Variants in FREM2 observed in about 807,000 individuals in gnomAD.
FREM2 encodes FRAS1-related extracellular matrix protein 2.
In FREM2, 119 loss-of-function variants were observed where a neutral mutation model predicts 219.9. The ratio of observed to expected loss-of-function variants is 0.54; its 90% CI spans 0.47 to 0.63. The LOEUF is 0.63. FREM2 is among the 30% of genes least tolerant of loss of function. The pLI, the probability that FREM2 is intolerant of heterozygous loss-of-function variation, is 0.00. For synonymous variants in FREM2, 1,562 were observed against 1,522.8 expected (o/e 1.03, Z -0.60); for missense variants, 4,030 against 3,993.6 (o/e 1.01, Z -0.25).
chr13:38,872,481 G>A (rs1243085947), intron 16 of FREM2, among the ~76,000 whole-genome samples: 1 of 152,136 alleles, frequency 6.6e-6, no homozygotes, highest in Non-Finnish European at 1.5e-5. Context: ...GATTTTGTAA[G>A]TATAGTATGC....
intron 4 of FREM2, among the ~76,000 whole-genome samples, chr13:38,781,344 T>A (rs1490568531): frequency 6.6e-6 from 1 of 152,134 alleles, no homozygotes; most frequent in Admixed American, 6.6e-5. Context: ...CCAGAGACTT[T>A]TTTTTTCGAC....
chr13:38,776,425 G>A (rs1384961520), intron 4 of FREM2, among the ~76,000 whole-genome samples: 2 of 152,140 alleles, frequency 1.3e-5, no homozygotes, highest in African/African-American at 4.8e-5. Flanking sequence ...ATATAATTGA[G>A]AGAAGGTATA....
chr13:38,759,388 G>A (rs1566131589), intron 2 of FREM2, among the ~76,000 whole-genome samples: 1 of 149,422 alleles, frequency 6.7e-6, no homozygotes, highest in Non-Finnish European at 1.5e-5. Flanking sequence ...TGTCTTTAGA[G>A]AGATCGGGCA....
At chr13:38,715,390 G>A (rs192059418) in intron 2 of FREM2, among the ~76,000 whole-genome samples, 58 of 152,276 alleles carry the variant, frequency 3.8e-4, no homozygotes, top group African/African-American at 1.3e-3. Context: ...ACGAAAAGTG[G>A]ACTCTCTCCC....
intron 1 of FREM2, among the ~76,000 whole-genome samples, chr13:38,697,208 G>A (rs1289977029): frequency 1.3e-5 from 2 of 152,060 alleles, no homozygotes; most frequent in African/African-American, 4.8e-5. Flanking sequence ...TCAAACTTTG[G>A]AGAGCTTAAA....
chr13:38,698,733 T>G (rs1870222832), intron 2 of FREM2, among the ~76,000 whole-genome samples: 1 of 152,188 alleles, frequency 6.6e-6, no homozygotes, highest in Non-Finnish European at 1.5e-5. Context: ...GTCGTCTATC[T>G]CAAAAATACT....
rs771744013 is a variant in FREM2, at chr13:38,850,980, A to G, written c.6614A>G (p.Asp2205Gly). 18 of 1,613,262 alleles carry G rather than the reference A, an allele frequency of 1.1e-5. No homozygotes were observed. The highest frequency in any genetic ancestry group is 1.8e-4 in the Middle Eastern group (1 of 5,578). The change falls in exon 10 of 24, where the codon GAC (aspartate) becomes GGC (glycine). Residue 2205 changes from aspartate to glycine, a missense_variant. Around this residue, in one of 2 missense-constraint regions of FREM2, gnomAD observed 3,102 missense variants for 2,950.7 expected, o/e 1.05. Transcript: ENST00000280481. ...AAGCCCTGCATTCTTGAGCTGATGGACGATGTGCTCTATGAGGAGGTAGAG... is the reference window on the plus strand; with the variant it reads ...AAGCCCTGCATTCTTGAGCTGATGGGCGATGTGCTCTATGAGGAGGTAGAG... ...TEKPCILELM[D>G]DVLYEEVEEL...
intron 2 of FREM2, among the ~76,000 whole-genome samples, chr13:38,733,205 A>C (rs530175868): frequency 6.6e-6 from 1 of 152,126 alleles, no homozygotes; most frequent in African/African-American, 2.4e-5. Flanking sequence ...ATCAGTTTCT[A>C]AGAGGCACTG....
In FREM2 at chr13:38,689,605, T is replaced by C. The variant is rs749755745; in HGVS notation, c.2261T>C (p.Leu754Pro). 2 of 1,613,422 alleles carry C rather than the reference T, an allele frequency of 1.2e-6. No homozygotes were observed. Among genetic ancestry groups the C allele is most frequent in the South Asian group, 2.2e-5 (2 of 90,952 alleles). The change falls in exon 1 of 24, where the codon CTG (leucine) becomes CCG (proline). Residue 754 changes from leucine (L) to proline (P), a missense_variant. Leu to Pro is a moderately conservative substitution (Grantham distance 98, BLOSUM62 -3). This residue lies in a region of FREM2 where 3,102 missense variants were observed against 2,950.7 expected (regional missense o/e 1.05). Coordinates refer to ENST00000280481, the MANE Select transcript of FREM2 (RefSeq NM_207361.6). ...CCCACAGACACAGACGAAAATCACC[T>C]GCCAGCCCCACTGGGTACCTTGGTC... ...QPPTDTDENH[L>P]PAPLGTLVLT...
intron 6 of FREM2, among the ~76,000 whole-genome samples, chr13:38,810,996 T>C (rs931181360): frequency 7.9e-5 from 12 of 152,072 alleles, no homozygotes; most frequent in Admixed American, 1.3e-4. Flanking sequence ...TATTAATCTC[T>C]TCAGGTTTGA....
chr13:38,845,961 A>C (rs1055171057), intron 6 of FREM2, among the ~76,000 whole-genome samples: 1 of 152,200 alleles, frequency 6.6e-6, no homozygotes, highest in Non-Finnish European at 1.5e-5. Context: ...TATTTAGTAA[A>C]GTCTCACTTG....
At chr13:38,779,148 G>A (rs1286021196) in intron 4 of FREM2, among the ~76,000 whole-genome samples, 1 of 151,730 alleles carries the variant, frequency 6.6e-6, no homozygotes, top group African/African-American at 2.4e-5. Context: ...GACACTGCAT[G>A]TTCTCACTCA....
Position 38,871,637 on chromosome 13 carries a change from G to A in FREM2, c.7984-1105G>A, listed in dbSNP as rs554743555. Among the ~76,000 whole-genome samples, 19 of 152,158 alleles carry A rather than the reference G, an allele frequency of 1.2e-4. No individual in the cohort carries two copies. In the South Asian group the frequency reaches 3.7e-3, roughly 30 times the overall value. On this transcript the variant is annotated intron_variant, in intron 16 of 23. Coordinates refer to ENST00000280481, the MANE Select transcript of FREM2 (RefSeq NM_207361.6). ...TTCAGGAGGTTTAGAGAATACTGTG[G>A]GACATTTACCTTTTTCCTTTGAGTC... is the stretch of plus-strand genomic sequence containing the variant.
At position 38,789,823 on chromosome 13, in the gene FREM2, T is replaced by G. The variant is rs188419851; in HGVS notation, c.6019+5015T>G. The stretch of plus-strand genomic sequence containing the variant: ...TTTCTTTTTTATATATTTAATAATT[T>G]AGATATTTATTTTATAATCTTTGTT... On this transcript the variant is annotated intron_variant, in intron 6 of 23. Coordinates refer to ENST00000280481, the MANE Select transcript of FREM2 (RefSeq NM_207361.6). 4.0e-4 allele frequency among the ~76,000 whole-genome samples: 61 copies of G among 150,754 alleles called. No homozygotes were observed. The East Asian group carries it at 0.011, about 27-fold the overall frequency.
intron 3 of FREM2, among the ~76,000 whole-genome samples, chr13:38,766,627 C>T (rs986920464): frequency 2.6e-5 from 4 of 152,170 alleles, no homozygotes; most frequent in African/African-American, 9.7e-5. Flanking sequence ...CGCTTGAGTA[C>T]AGCTAAGAAA....
At chr13:38,825,959 A>G (rs918987580) in intron 6 of FREM2, among the ~76,000 whole-genome samples, 8 of 152,174 alleles carry the variant, frequency 5.3e-5, no homozygotes, top group Admixed American at 3.9e-4. Context: ...CTTTAAAGCC[A>G]AAATGTTATC....
chr13:38,834,467 G>A (rs1593435722), intron 6 of FREM2, among the ~76,000 whole-genome samples: 1 of 152,150 alleles, frequency 6.6e-6, no homozygotes, highest in African/African-American at 2.4e-5. Context: ...TATATACCCA[G>A]TAATGGGATT....
At chr13:38,760,210 T>C (rs1873174174) in intron 2 of FREM2, among the ~76,000 whole-genome samples, 1 of 152,236 alleles carries the variant, frequency 6.6e-6, no homozygotes, top group Non-Finnish European at 1.5e-5. Context: ...CTATGATAGT[T>C]ACTTTGGGCC....
intron 1 of FREM2, among the ~76,000 whole-genome samples, chr13:38,694,708 T>C (rs2122211): frequency 0.47 from 71,662 of 152,022 alleles, 19,380 homozygotes; most frequent in Non-Finnish European, 0.61. Flanking sequence ...AATTAATTCC[T>C]TTCTAAAACT....
Sources: allele counts gnomAD v4.1 joint callset (sites outside exome capture counted in the v4.1 genomes callset), GRCh38; gene constraint gnomAD v4.1.1; regional missense constraint gnomAD v4.1.1; transcripts MANE v1.5; gene names NCBI Gene and HGNC (gene_info 2026-07-23, HGNC 2026-07-21).